The following ARID4A variants were observed in gnomAD, a reference collection of about 807,000 sequenced individuals.
The protein encoded by ARID4A is AT-rich interaction domain 4A.
In ARID4A, 39 loss-of-function variants were observed where a neutral mutation model predicts 148.6. The observed-to-expected ratio is 0.26, with a 90% confidence interval of 0.20 to 0.34. The LOEUF is 0.34. Ranked by LOEUF, ARID4A falls within the 10% of genes least tolerant of loss-of-function variation. ARID4A has a pLI of 1.00. For synonymous variants in ARID4A, 475 were observed against 481.2 expected (o/e 0.99, Z 0.17); for missense variants, 1,265 against 1,449.1 (o/e 0.87, Z 2.06).
chr14:58,333,869 G>A (rs1394867731), intron 11 of ARID4A, among the ~76,000 whole-genome samples: 1 of 152,134 alleles, frequency 6.6e-6, no homozygotes, highest in Non-Finnish European at 1.5e-5. Context: ...TATTTTAAAT[G>A]TAATGTTAAT....
At chr14:58,339,284 T>C (rs2033991555) in intron 11 of ARID4A, among the ~76,000 whole-genome samples, 1 of 152,032 alleles carries the variant, frequency 6.6e-6, no homozygotes, top group African/African-American at 2.4e-5. Flanking sequence ...ACCAAAAATT[T>C]TAAGGGATTC....
intron 5 of ARID4A, among the ~76,000 whole-genome samples, chr14:58,314,171 C>T (rs939611509): frequency 2.0e-5 from 3 of 152,158 alleles, no homozygotes; most frequent in Non-Finnish European, 4.4e-5. Flanking sequence ...TTATTAAATC[C>T]TTGTAGTCTG....
chr14:58,303,610 A>G, intron 3 of ARID4A: 1 of 459,430 alleles, frequency 2.2e-6, no homozygotes, highest in South Asian at 1.6e-5. Flanking sequence ...CCTGATACAT[A>G]GTGGACCCTC....
chr14:58,298,992 G>C (rs1167508845), intron 1 of ARID4A, among the ~76,000 whole-genome samples: 2 of 152,196 alleles, frequency 1.3e-5, no homozygotes, highest in Non-Finnish European at 2.9e-5. Context: ...TGAAGAGCGG[G>C]CTGCTTGGGG....
intron 4 of ARID4A, 151 bp from the exon 5 acceptor site, chr14:58,305,871 A>C: frequency 1.7e-6 from 1 of 578,294 alleles, no homozygotes; most frequent in Non-Finnish European, 3.0e-6. Context: ...ATAAATAGAT[A>C]AGTACTATGA....
chr14:58,302,071 T>G (rs1305533891), intron 3 of ARID4A, among the ~76,000 whole-genome samples: 1 of 152,190 alleles, frequency 6.6e-6, no homozygotes, highest in African/African-American at 2.4e-5. Context: ...AAAAGTTTAT[T>G]TTGTGACTGG....
chr14:58,331,935 T>G (rs968451565), intron 11 of ARID4A, among the ~76,000 whole-genome samples: 5 of 151,630 alleles, frequency 3.3e-5, no homozygotes, highest in African/African-American at 9.7e-5. Flanking sequence ...GAAGAAAGAT[T>G]AGTCCCTTTA....
At chr14:58,370,680 C>G (rs763096106) in intron 23 of ARID4A, among the ~76,000 whole-genome samples, 3 of 151,370 alleles carry the variant, frequency 2.0e-5, no homozygotes, top group African/African-American at 7.3e-5. Flanking sequence ...GGCATGATCA[C>G]GGCTTACTGC....
chr14:58,313,417 G>A (rs1258140767), intron 5 of ARID4A, among the ~76,000 whole-genome samples: 2 of 152,154 alleles, frequency 1.3e-5, no homozygotes, highest in East Asian at 1.9e-4. Context: ...AGGCATTTGC[G>A]CTCCTATGAG....
chr14:58,316,721 C>G (rs2032441812), intron 5 of ARID4A, among the ~76,000 whole-genome samples: 2 of 152,086 alleles, frequency 1.3e-5, no homozygotes, highest in Admixed American at 1.3e-4. Context: ...GCTGAGATTA[C>G]AGGCGTGTGC....
intron 5 of ARID4A, among the ~76,000 whole-genome samples, chr14:58,316,571 A>G (rs574814713): frequency 3.3e-5 from 5 of 152,032 alleles, no homozygotes; most frequent in African/African-American, 1.2e-4. Flanking sequence ...ATAGTCAAGT[A>G]GTACGATTTT....
chr14:58,302,227 C>G (rs1285814292), intron 3 of ARID4A, among the ~76,000 whole-genome samples: 7 of 152,114 alleles, frequency 4.6e-5, no homozygotes, highest in African/African-American at 1.7e-4. Flanking sequence ...GGCGCGGTGA[C>G]TCACGCCTGT....
intron 17 of ARID4A, 138 bp downstream of exon 17, chr14:58,353,993 T>C (rs2034755975): frequency 4.0e-6 from 3 of 745,490 alleles, no homozygotes; most frequent in Middle Eastern, 7.7e-4. Flanking sequence ...TTCCAAGACT[T>C]TGACATTCCT....
chr14:58,341,661 A>G (rs1025723520), intron 11 of ARID4A, among the ~76,000 whole-genome samples: 5 of 152,362 alleles, frequency 3.3e-5, no homozygotes, highest in Admixed American at 2.6e-4. Flanking sequence ...AACCATTAGT[A>G]GATGTTTGAG....
intron 5 of ARID4A, among the ~76,000 whole-genome samples, chr14:58,312,724 C>T (rs902371492): frequency 4.6e-5 from 7 of 152,144 alleles, no homozygotes; most frequent in African/African-American, 1.7e-4. Context: ...ACTTCTGTTT[C>T]ATGCCTATTA....
intron 9 of ARID4A, among the ~76,000 whole-genome samples, chr14:58,329,313 C>T (rs1045384987): frequency 3.9e-5 from 6 of 152,168 alleles, no homozygotes; most frequent in African/African-American, 1.4e-4. Context: ...ATGTGAGGCT[C>T]TCAATGTACT....
chr14:58,325,490 C>A (rs555870486), intron 8 of ARID4A, among the ~76,000 whole-genome samples: 2 of 152,198 alleles, frequency 1.3e-5, no homozygotes, highest in South Asian at 2.1e-4. Flanking sequence ...TTGCCATGTT[C>A]TCCAGGCTGG....
At chr14:58,322,734 G>A (rs2032971423) in intron 7 of ARID4A, among the ~76,000 whole-genome samples, 1 of 151,830 alleles carries the variant, frequency 6.6e-6, no homozygotes, top group South Asian at 2.1e-4. Context: ...GGCTGAGGCG[G>A]GCAGATCACT....
At position 58,347,873 on chromosome 14, in the gene ARID4A, C is replaced by G; in HGVS notation, c.1399C>G (p.Pro467Ala). 6.2e-7 allele frequency: 1 copy of G among 1,606,252 alleles called. No individual in the cohort carries two copies. Among genetic ancestry groups the G allele is most frequent in the Non-Finnish European group, 8.5e-7 (1 of 1,175,678 alleles). ...SEREEIELKS[P>A]RGRRRIARDV... ...AAGAGAAGAGATAGAATTAAAATCT[C>G]CGAGGGTGAGTTCTTAATACTAGTT... Residue 467 changes from proline to alanine, a missense_variant, in exon 15 of 24, where the codon CCG (proline) becomes GCG (alanine). Pro to Ala is a conservative substitution (Grantham distance 27). Coordinates refer to ENST00000355431, the MANE Select transcript of ARID4A (RefSeq NM_002892.4).
Sources: allele counts gnomAD v4.1 joint callset (sites outside exome capture counted in the v4.1 genomes callset), GRCh38; gene constraint gnomAD v4.1.1; transcripts MANE v1.5; gene names NCBI Gene and HGNC (gene_info 2026-07-23, HGNC 2026-07-21).